Variants in YWHAE observed in about 807,000 individuals in gnomAD.
YWHAE encodes the protein 14-3-3 protein epsilon.
YWHAE carries 4 observed loss-of-function variants against 30.1 expected under a neutral mutation model. The observed-to-expected ratio is 0.13, with a 90% CI of 0.07 to 0.30. The LOEUF is 0.30. Among genes scored for constraint, YWHAE ranks in the 10% least tolerant of loss-of-function variants. YWHAE has a pLI of 1.00. For missense variants in YWHAE, 121 were observed against 315.9 expected (o/e 0.38, Z 4.68); for synonymous variants, 118 against 111.8 (o/e 1.06, Z -0.35).
At chr17:1,369,916 G>A (rs1344418998) in intron 1 of YWHAE, among the ~76,000 whole-genome samples, 1 of 152,076 alleles carries the variant, frequency 6.6e-6, no homozygotes, top group Non-Finnish European at 1.5e-5. Context: ...GCTCATCTGA[G>A]CCTTCAGCAA....
chr17:1,392,633 T>G (rs2073405503), intron 1 of YWHAE, among the ~76,000 whole-genome samples: 1 of 152,140 alleles, frequency 6.6e-6, no homozygotes, highest in East Asian at 1.9e-4. Flanking sequence ...GCGGACTACC[T>G]GAGGTCAGGA....
intron 1 of YWHAE, among the ~76,000 whole-genome samples, chr17:1,398,543 AC>A (rs537905028): frequency 3.6e-4 from 55 of 152,270 alleles, no homozygotes; most frequent in Non-Finnish European, 7.1e-4. Context: ...AAGGGCCCTA[AC>A]ATTTTGAAAT....
At chr17:1,355,995 C>T (rs897435126) in intron 4 of YWHAE, among the ~76,000 whole-genome samples, 2 of 152,040 alleles carry the variant, frequency 1.3e-5, no homozygotes, top group Non-Finnish European at 1.5e-5. Flanking sequence ...AGTGAAACCC[C>T]GTCTCTACTA....
intron 4 of YWHAE, among the ~76,000 whole-genome samples, chr17:1,360,669 G>C (rs1233524189): frequency 6.6e-6 from 1 of 152,160 alleles, no homozygotes; most frequent in Non-Finnish European, 1.5e-5. Context: ...AGGAGGCTGA[G>C]ACAGGAGAAT....
In YWHAE at chr17:1,395,093, G is replaced by GAAA. The variant is rs559792867; in HGVS notation, c.64+4951_64+4953dup. ...ATCAGTCACCCTTACAGTCATCCAT[G>GAAA]AAAAAAAAAAACAATCAGGCCGGGT... On this transcript the variant is annotated intron_variant, in intron 1 of 5. Transcript: ENST00000264335. 3.4e-5 allele frequency among the ~76,000 whole-genome samples: 5 copies of GAAA among 145,184 alleles called. No homozygotes were observed. In the East Asian group the frequency reaches 6.0e-4, roughly 17 times the overall value.
At chr17:1,389,733 T>C (rs1043830179) in intron 1 of YWHAE, among the ~76,000 whole-genome samples, 1 of 151,910 alleles carries the variant, frequency 6.6e-6, no homozygotes, top group African/African-American at 2.4e-5. Context: ...GGTTTCACTG[T>C]GTTAGCCAGG....
At chr17:1,364,719 G>C (rs763474296) in intron 2 of YWHAE, 140 bp downstream of exon 2, 23 of 1,073,430 alleles carry the variant, frequency 2.1e-5, no homozygotes, top group African/African-American at 4.8e-5. Context: ...CAGGCACAAA[G>C]ATCAATATCA....
chr17:1,365,269 G>A (rs1347159411), intron 1 of YWHAE, among the ~76,000 whole-genome samples: 4 of 150,470 alleles, frequency 2.7e-5, no homozygotes, highest in African/African-American at 4.9e-5. Context: ...AAGGTAGTTA[G>A]GTGGAGTGAG....
At chr17:1,399,716 G>T in intron 1 of YWHAE, 1 of 494,086 alleles carries the variant, frequency 2.0e-6, no homozygotes, top group East Asian at 3.8e-5. Flanking sequence ...AGGGTGGCTC[G>T]TTCGGAGACA....
intron 5 of YWHAE, among the ~76,000 whole-genome samples, chr17:1,353,031 T>A (rs1030774076): frequency 1.5e-4 from 23 of 152,148 alleles, no homozygotes; most frequent in African/African-American, 5.5e-4. Flanking sequence ...TCCTTTAAAA[T>A]CAACAAACAT....
At chr17:1,396,280 A>G (rs1318634697) in intron 1 of YWHAE, among the ~76,000 whole-genome samples, 1 of 149,114 alleles carries the variant, frequency 6.7e-6, no homozygotes, top group Admixed American at 6.7e-5. Context: ...CAAAATTAGC[A>G]TGGCATGGTG....
intron 5 of YWHAE, among the ~76,000 whole-genome samples, chr17:1,353,794 C>A (rs544130497): frequency 6.6e-6 from 1 of 150,694 alleles, no homozygotes; most frequent in South Asian, 2.1e-4. Flanking sequence ...CAAGGGCCAA[C>A]ATTCAATTTC....
At chr17:1,376,342 AGAC>A (rs2073121972) in intron 1 of YWHAE, among the ~76,000 whole-genome samples, 3 of 151,970 alleles carry the variant, frequency 2.0e-5, no homozygotes, top group South Asian at 2.1e-4. Context: ...ACAGAAAGAC[AGAC>A]AGAAAGACAA....
chr17:1,398,010 C>T (rs376079248), intron 1 of YWHAE, among the ~76,000 whole-genome samples: 1 of 152,176 alleles, frequency 6.6e-6, no homozygotes, highest in East Asian at 1.9e-4. Context: ...ATATAATTAT[C>T]ACTAACCTGT....
At chr17:1,396,777 C>T (rs2073478448) in intron 1 of YWHAE, among the ~76,000 whole-genome samples, 1 of 151,846 alleles carries the variant, frequency 6.6e-6, no homozygotes, top group African/African-American at 2.4e-5. Context: ...AGGCACCCAC[C>T]ACCCCCGGCT....
At position 1,354,199 on chromosome 17, in the gene YWHAE, G is replaced by A. The variant is rs200705834; in HGVS notation, c.715+12C>T. The A allele has an allele frequency of 3.0e-5, 48 of 1,611,018 alleles. No individual in the cohort carries two copies. The highest frequency in any genetic ancestry group is 5.1e-5 in the Admixed American group (3 of 59,390). On this transcript the variant is annotated intron_variant, in intron 5 of 5. Coordinates refer to ENST00000264335, the MANE Select transcript of YWHAE (RefSeq NM_006761.5). ...CTGAAAGAGGTGCCTGTTTCACTCCGTGCTTGCTTACCGTCACCCTGCATG... is the reference window on the plus strand; with the variant it reads ...CTGAAAGAGGTGCCTGTTTCACTCCATGCTTGCTTACCGTCACCCTGCATG...
intron 1 of YWHAE, among the ~76,000 whole-genome samples, chr17:1,394,452 A>AAAAAAAAAAAAAC (rs2073435562): frequency 6.7e-6 from 1 of 150,172 alleles, no homozygotes; most frequent in African/African-American, 2.5e-5. Context: ...AAAAAAAAAA[A>AAAAAAAAAAAAAC]AAAAAAAAAC....
chr17:1,373,200 G>A (rs888061643), intron 1 of YWHAE, among the ~76,000 whole-genome samples: 27 of 151,788 alleles, frequency 1.8e-4, no homozygotes, highest in Non-Finnish European at 2.4e-4. Context: ...CCAAGATGGC[G>A]CCCTTACACT....
chr17:1,366,129 T>C (rs892512435), intron 1 of YWHAE, among the ~76,000 whole-genome samples: 3 of 150,266 alleles, frequency 2.0e-5, no homozygotes, highest in Non-Finnish European at 4.4e-5. Flanking sequence ...GACAGGAGAA[T>C]CGCTTGAACC....
Sources: allele counts gnomAD v4.1 joint callset (sites outside exome capture counted in the v4.1 genomes callset), GRCh38; gene constraint gnomAD v4.1.1; transcripts MANE v1.5; gene names NCBI Gene and HGNC (gene_info 2026-07-23, HGNC 2026-07-21).